The following NRXN3 variants were observed in gnomAD, a reference collection of about 807,000 sequenced individuals.
NRXN3 encodes the protein neurexin III.
A neutral mutation model predicts 137.6 loss-of-function variants in NRXN3; 32 were observed. That is an observed-to-expected ratio of 0.23 (90% CI 0.18 to 0.31). The LOEUF is 0.31. Ranked by LOEUF, NRXN3 falls within the 10% of genes least tolerant of loss-of-function variation. The pLI is 1.00. For synonymous variants in NRXN3, 798 were observed against 784.5 expected (o/e 1.02, Z -0.29); for missense variants, 1,574 against 2,062.5 (o/e 0.76, Z 4.59).
intron 14 of NRXN3, among the ~76,000 whole-genome samples, chr14:78,981,720 T>C (rs2099489945): frequency 6.6e-6 from 1 of 152,216 alleles, no homozygotes; most frequent in Non-Finnish European, 1.5e-5. Flanking sequence ...TCTATTGTTA[T>C]ATCCTCTTTC....
At position 78,246,659 on chromosome 14, in the gene NRXN3, A is replaced by G. The variant is rs549049848; in HGVS notation, c.709+2857A>G. Among the ~76,000 whole-genome samples the G allele has an allele frequency of 2.0e-5, 3 of 152,336 alleles. No homozygotes were observed. In the South Asian group the frequency reaches 6.2e-4, roughly 32 times the overall value. On this transcript the variant is annotated intron_variant, in intron 2 of 20. Coordinates refer to ENST00000335750, the MANE Select transcript of NRXN3 (RefSeq NM_001330195.2). ...AATCAATCACAAAAATGCATCACAG[A>G]CTATTAGAAAATAACCGTTGCCTCC...
intron 15 of NRXN3, among the ~76,000 whole-genome samples, chr14:79,147,792 TTACTATAAGAATCGAAG>T (rs1484343571): frequency 6.6e-6 from 1 of 152,080 alleles, no homozygotes; most frequent in Non-Finnish European, 1.5e-5. Flanking sequence ...GATGCCACCT[TTACTATAAGAATCGAAG>T]TCCTTTAAAG....
rs1239310452 is a variant in NRXN3, at chr14:78,579,325, A to C, written c.758-65795A>C. On this transcript the variant is annotated intron_variant, in intron 4 of 20. Transcript: ENST00000335750. ...TAAACACATGTCACCAGAACTGAATAAATAGATTTTGATAAAACTGATTCA... is the reference window on the plus strand; with the variant it reads ...TAAACACATGTCACCAGAACTGAATCAATAGATTTTGATAAAACTGATTCA... Among the ~76,000 whole-genome samples the C allele has an allele frequency of 2.0e-5, 3 of 152,204 alleles. No individual in the cohort carries two copies. The East Asian group carries it at 5.8e-4, about 29-fold the overall frequency.
At chr14:78,673,089 A>G (rs868442468) in intron 6 of NRXN3, among the ~76,000 whole-genome samples, 4 of 152,346 alleles carry the variant, frequency 2.6e-5, no homozygotes, top group Middle Eastern at 3.4e-3. Flanking sequence ...CATCAAATGT[A>G]GTAGAATGCC....
At chr14:78,460,436 G>A (rs1253740954) in intron 4 of NRXN3, among the ~76,000 whole-genome samples, 1 of 152,184 alleles carries the variant, frequency 6.6e-6, no homozygotes, top group Non-Finnish European at 1.5e-5. Flanking sequence ...CTATGGTGGA[G>A]TCCCCAGCCA....
intron 12 of NRXN3, 50 bp from the exon 13 acceptor site, chr14:78,967,158 A>G (rs1257563862): frequency 6.5e-7 from 1 of 1,539,650 alleles, no homozygotes; most frequent in African/African-American, 1.4e-5. Flanking sequence ...TAGCCATTAA[A>G]CCACTTCGGG....
intron 15 of NRXN3, among the ~76,000 whole-genome samples, chr14:79,410,326 C>T (rs887454189): frequency 3.3e-5 from 5 of 152,080 alleles, no homozygotes; most frequent in African/African-American, 1.2e-4. Flanking sequence ...TGAGTTCTTT[C>T]TGGCACCAAA....
At chr14:78,808,789 A>T (rs1567374116) in intron 9 of NRXN3, among the ~76,000 whole-genome samples, 1 of 152,150 alleles carries the variant, frequency 6.6e-6, no homozygotes. Flanking sequence ...TCCAGATTTC[A>T]CGTAGCTTCA....
intron 10 of NRXN3, among the ~76,000 whole-genome samples, chr14:78,945,587 C>T (rs1265372004): frequency 1.3e-5 from 2 of 152,138 alleles, no homozygotes; most frequent in Non-Finnish European, 2.9e-5. Context: ...TTAGTTCCAG[C>T]AATTAGGTTA....
chr14:78,191,207 T>G (rs1238375424), intron 1 of NRXN3, among the ~76,000 whole-genome samples: 1 of 152,130 alleles, frequency 6.6e-6, no homozygotes, highest in African/African-American at 2.4e-5. Context: ...TGACCATTGG[T>G]GAAGGACTAA....
At chr14:79,824,587 TA>T (rs2099286644) in intron 20 of NRXN3, among the ~76,000 whole-genome samples, 1 of 152,188 alleles carries the variant, frequency 6.6e-6, no homozygotes, top group African/African-American at 2.4e-5. Context: ...AAACAGCTGG[TA>T]AAACAAATGG....
At chr14:79,435,948 T>A (rs2095840399) in intron 15 of NRXN3, among the ~76,000 whole-genome samples, 1 of 152,152 alleles carries the variant, frequency 6.6e-6, no homozygotes, top group African/African-American at 2.4e-5. Context: ...TTTAATTAAA[T>A]ATTAAATATA....
intron 15 of NRXN3, among the ~76,000 whole-genome samples, chr14:79,318,248 G>A (rs74069726): frequency 0.056 from 8,462 of 152,260 alleles, 598 homozygotes; most frequent in African/African-American, 0.17. Flanking sequence ...TATCTCAAAA[G>A]GAAAGTATCT....
intron 10 of NRXN3, among the ~76,000 whole-genome samples, chr14:78,842,881 G>A (rs1251897326): frequency 1.3e-5 from 2 of 152,144 alleles, no homozygotes; most frequent in African/African-American, 2.4e-5. Flanking sequence ...GGCAGTCAGA[G>A]TTTAAGGTTA....
intron 4 of NRXN3, among the ~76,000 whole-genome samples, chr14:78,315,831 T>C (rs1384544491): frequency 2.0e-5 from 3 of 151,124 alleles, no homozygotes; most frequent in Admixed American, 1.3e-4. Flanking sequence ...ATTAAGACAA[T>C]AATAGGAGTA....
chr14:78,462,678 T>C (rs576435627), intron 4 of NRXN3, among the ~76,000 whole-genome samples: 39 of 152,318 alleles, frequency 2.6e-4, no homozygotes, highest in African/African-American at 9.4e-4. Context: ...TATTAAGTGA[T>C]CTCTTGGCAA....
chr14:78,669,520 C>T (rs1470159759), intron 6 of NRXN3, among the ~76,000 whole-genome samples: 1 of 152,080 alleles, frequency 6.6e-6, no homozygotes, highest in African/African-American at 2.4e-5. Context: ...TTATTAAATA[C>T]CTGCTAAAGA....
chr14:79,534,645 A>G (rs1490648841), intron 16 of NRXN3, among the ~76,000 whole-genome samples: 4 of 152,154 alleles, frequency 2.6e-5, no homozygotes, highest in Non-Finnish European at 5.9e-5. Flanking sequence ...AATCAAAAAC[A>G]TGGCAAGGTT....
chr14:79,637,857 G>A (rs2098413526), intron 16 of NRXN3, among the ~76,000 whole-genome samples: 1 of 150,102 alleles, frequency 6.7e-6, no homozygotes. Context: ...AGCCTCTTGA[G>A]TATCTGGGAT....
Sources: allele counts gnomAD v4.1 joint callset (sites outside exome capture counted in the v4.1 genomes callset), GRCh38; gene constraint gnomAD v4.1.1; transcripts MANE v1.5; gene names NCBI Gene and HGNC (gene_info 2026-07-23, HGNC 2026-07-21).